Variants in SHROOM3 observed in about 807,000 individuals in gnomAD.
SHROOM3 encodes shroom family member 3.
In SHROOM3, 47 loss-of-function variants were observed where a neutral mutation model predicts 138.6. The observed-to-expected ratio is 0.34, with a 90% CI of 0.27 to 0.43. SHROOM3 has a LOEUF of 0.43. SHROOM3 is among the 20% of genes least tolerant of loss of function. The pLI is 1.00. For missense variants in SHROOM3, 2,491 were observed against 2,596.5 expected (o/e 0.96, Z 0.88); for synonymous variants, 1,062 against 1,063.3 (o/e 1.00, Z 0.02).
intron 2 of SHROOM3, among the ~76,000 whole-genome samples, chr4:76,682,717 C>T (rs2110104051): frequency 6.6e-6 from 1 of 152,162 alleles, no homozygotes; most frequent in African/African-American, 2.4e-5. Flanking sequence ...ACTCTGCCAG[C>T]TAAAATATAA....
At chr4:76,553,273 TTTTA>T (rs1418739988) in intron 1 of SHROOM3, among the ~76,000 whole-genome samples, 2 of 152,086 alleles carry the variant, frequency 1.3e-5, no homozygotes, top group South Asian at 2.1e-4. Flanking sequence ...TTCTTTTCTC[TTTTA>T]TTTATTTATT....
intron 1 of SHROOM3, among the ~76,000 whole-genome samples, chr4:76,468,798 G>A (rs1251857422): frequency 2.0e-5 from 3 of 152,114 alleles, no homozygotes; most frequent in African/African-American, 7.2e-5. Flanking sequence ...GGGAGGCCAA[G>A]GCAGGTGGAT....
intron 2 of SHROOM3, among the ~76,000 whole-genome samples, chr4:76,694,369 T>G (rs1719661388): frequency 6.6e-6 from 1 of 152,164 alleles, no homozygotes; most frequent in South Asian, 2.1e-4. Context: ...TTGTTTGTTT[T>G]TTTTTGTGTT....
intron 2 of SHROOM3, among the ~76,000 whole-genome samples, chr4:76,585,240 T>C (rs1050596163): frequency 3.3e-5 from 5 of 152,230 alleles, no homozygotes; most frequent in African/African-American, 1.2e-4. Flanking sequence ...CTTCTTTCTG[T>C]GCCTAAAAAT....
chr4:76,618,346 A>C (rs559844208), intron 2 of SHROOM3, among the ~76,000 whole-genome samples: 2 of 152,342 alleles, frequency 1.3e-5, no homozygotes, highest in South Asian at 4.1e-4. Flanking sequence ...ACTCTTACAT[A>C]AGCAGTTACT....
intron 5 of SHROOM3, among the ~76,000 whole-genome samples, chr4:76,742,923 A>T (rs923738963): frequency 2.0e-5 from 3 of 152,040 alleles, no homozygotes; most frequent in African/African-American, 7.2e-5. Flanking sequence ...TGTTGTATGA[A>T]AAATGCTGTG....
At chr4:76,542,676 C>T (rs1733131375) in intron 1 of SHROOM3, among the ~76,000 whole-genome samples, 1 of 152,230 alleles carries the variant, frequency 6.6e-6, no homozygotes, top group Admixed American at 6.5e-5. Context: ...CAGAAAAGAA[C>T]ACAGCTAGCT....
chr4:76,720,169 T>G (rs955569773), intron 3 of SHROOM3, among the ~76,000 whole-genome samples: 6 of 143,474 alleles, frequency 4.2e-5, no homozygotes, highest in Middle Eastern at 7.0e-3. Context: ...TTTTTTTTTT[T>G]TTTTTTTTTT....
At chr4:76,689,066 T>C in intron 2 of SHROOM3, 1 of 512,862 alleles carries the variant, frequency 1.9e-6, no homozygotes, top group Non-Finnish European at 2.5e-6. Flanking sequence ...GCGGGCTTCT[T>C]AAAGTTGATA....
chr4:76,739,566 A>G lies in SHROOM3; in HGVS notation c.1393A>G (p.Thr465Ala), dbSNP rs779132950. 1 of 1,614,046 alleles carries G rather than the reference A, an allele frequency of 6.2e-7. No homozygotes were observed. The highest frequency in any genetic ancestry group is 8.5e-7 in the Non-Finnish European group (1 of 1,180,032). The change falls in exon 5 of 11, where the codon ACC becomes GCC. Residue 465 changes from threonine (T) to alanine (A), a missense_variant. Thr to Ala is a moderately conservative substitution (Grantham distance 58, BLOSUM62 0). Around this residue, in one of 4 missense-constraint regions of SHROOM3, gnomAD observed 1,733 missense variants for 1,661.6 expected, o/e 1.04. Transcript: ENST00000296043. The part of the protein sequence containing the change: ...KAQPGQPLLP[T>A]SIYPVPSLEP... ...CCAACCTGGCCAACCTCTGCTGCCGACCAGCATCTACCCGGTACCTTCCCT... is the reference window on the plus strand; with the variant it reads ...CCAACCTGGCCAACCTCTGCTGCCGGCCAGCATCTACCCGGTACCTTCCCT...
At chr4:76,758,644 C>T (rs949553199) in intron 8 of SHROOM3, 3 of 152,066 alleles carry the variant, frequency 2.0e-5, no homozygotes, top group African/African-American at 7.2e-5. Context: ...CCCTGTCTTT[C>T]AATTAACTGG....
intron 1 of SHROOM3, among the ~76,000 whole-genome samples, chr4:76,466,725 C>T (rs1054354180): frequency 4.6e-5 from 7 of 152,044 alleles, no homozygotes; most frequent in African/African-American, 1.7e-4. Flanking sequence ...GCAAAAAATA[C>T]TCAGACTAAA....
chr4:76,491,676 T>C (rs528019220), intron 1 of SHROOM3, among the ~76,000 whole-genome samples: 26 of 152,312 alleles, frequency 1.7e-4, no homozygotes, highest in African/African-American at 6.0e-4. Context: ...CTCAGAGCCC[T>C]GACACTGGGG....
chr4:76,619,872 G>T (rs1734959680), intron 2 of SHROOM3, among the ~76,000 whole-genome samples: 1 of 151,956 alleles, frequency 6.6e-6, no homozygotes. Context: ...GACCAGCCTG[G>T]CCAACATGGC....
chr4:76,610,546 C>T (rs954347265), intron 2 of SHROOM3, among the ~76,000 whole-genome samples: 16 of 152,132 alleles, frequency 1.1e-4, no homozygotes, highest in African/African-American at 3.4e-4. Flanking sequence ...CCTCGTCTTC[C>T]GCTGTCCACT....
intron 9 of SHROOM3, among the ~76,000 whole-genome samples, chr4:76,764,191 A>G (rs1722074947): frequency 6.6e-6 from 1 of 152,222 alleles, no homozygotes; most frequent in African/African-American, 2.4e-5. Context: ...TGTAAGTATC[A>G]GTTAAAATAT....
At chr4:76,641,468 C>A (rs573057063) in intron 2 of SHROOM3, among the ~76,000 whole-genome samples, 6 of 152,024 alleles carry the variant, frequency 3.9e-5, no homozygotes, top group Admixed American at 6.6e-5. Context: ...AGGAAGGAAG[C>A]CTTTGTGTAC....
chr4:76,554,419 GTTTT>G (rs33953968), intron 1 of SHROOM3, among the ~76,000 whole-genome samples: 1 of 121,752 alleles, frequency 8.2e-6, no homozygotes, highest in African/African-American at 3.2e-5. Flanking sequence ...TTTTGTTTGT[GTTTT>G]TTTTTTTTTT....
chr4:76,740,900 CTCGCCCGAA>C lies in SHROOM3; in HGVS notation c.2734_2742del (p.Glu912_Pro914del). 3.3e-6 allele frequency: 5 copies of C among 1,511,772 alleles called. No homozygotes were observed. Among genetic ancestry groups the C allele is most frequent in the Non-Finnish European group, 4.4e-6 (5 of 1,134,242 alleles). The allele number at this position is 1,511,772 out of a possible 1,614,324, so 93.6% of individuals were successfully genotyped here. A position where few individuals can be genotyped will look rare whatever the true frequency, so the allele number is the denominator to read the frequency against. On this transcript the variant is annotated inframe_deletion, in exon 5 of 11. Coordinates refer to ENST00000296043, the MANE Select transcript of SHROOM3 (RefSeq NM_020859.4). This position sits in a 1 kb window ranked among gnomAD's most constrained non-coding sequence, Gnocchi z 4.0. Reference sequence around the variant, plus strand: ...AGCCCGAGTGGCGGGACAGGCCCGGCTCGCCCGAATCGCCCCTGCTGGATGCCCCCTTCA... The same window carrying C: ...AGCCCGAGTGGCGGGACAGGCCCGGCTCGCCCCTGCTGGATGCCCCCTTCA...
Sources: gnomAD v4.1 joint callset for allele counts (sites outside exome capture counted in the v4.1 genomes callset) on GRCh38, gnomAD v4.1.1 for gene constraint, gnomAD v4.1.1 regional missense constraint, Gnocchi (gnomAD v3.1) non-coding constraint, MANE v1.5 for transcripts, NCBI Gene and HGNC (gene_info 2026-07-23, HGNC 2026-07-21) for gene names.